The following UNC79 variants were observed in gnomAD, a reference collection of about 807,000 sequenced individuals.
The protein encoded by UNC79 is unc-79 subunit of NALCN channel complex.
UNC79 carries 37 observed loss-of-function variants against 283.1 expected under a neutral mutation model. The observed-to-expected ratio is 0.13, with a 90% CI of 0.10 to 0.17. UNC79 has a LOEUF of 0.17. Among genes scored for constraint, UNC79 ranks in the 10% least tolerant of loss-of-function variants. The pLI, the probability that UNC79 is intolerant of heterozygous loss-of-function variation, is 1.00. For missense variants in UNC79, 2,272 were observed against 3,211.1 expected (o/e 0.71, Z 7.07); for synonymous variants, 1,107 against 1,200.2 (o/e 0.92, Z 1.61).
At chr14:93,464,544 G>T (rs1411939584) in intron 1 of UNC79, 3 of 456,138 alleles carry the variant, frequency 6.6e-6, no homozygotes, top group Non-Finnish European at 1.3e-5. Context: ...TGAGGTTAAG[G>T]TTTCAACATA....
At chr14:93,487,070 T>A (rs1323288738) in intron 4 of UNC79, among the ~76,000 whole-genome samples, 1 of 152,212 alleles carries the variant, frequency 6.6e-6, no homozygotes, top group Non-Finnish European at 1.5e-5. Flanking sequence ...AAGACATTGA[T>A]GATGAAGTTA....
intron 20 of UNC79, among the ~76,000 whole-genome samples, chr14:93,583,437 T>A (rs1252467487): frequency 6.6e-6 from 1 of 152,254 alleles, no homozygotes; most frequent in Non-Finnish European, 1.5e-5. Context: ...ATTAGGGGAC[T>A]GTTTTCTGGG....
rs915136184 is a variant in UNC79, at chr14:93,497,391, A to G, written c.898+105A>G. On this transcript the variant is annotated intron_variant, in intron 7 of 48. Coordinates refer to ENST00000555664, the Ensembl canonical transcript of UNC79. ...TTTATCTTGCTGGATTATATTTTCT[A>G]TGCCTTTGGACATGGTCATAAATCC... 38 of 1,371,932 alleles carry G rather than the reference A, an allele frequency of 2.8e-5. No homozygotes were observed. The Middle Eastern group carries it at 7.9e-4, about 29-fold the overall frequency. 85.0% of individuals were successfully genotyped at this position (1,371,932 alleles called of 1,614,324 possible). A position where few individuals can be genotyped will look rare whatever the true frequency, so the allele number is the denominator to read the frequency against.
Position 93,582,304 on chromosome 14 carries a change from G to T in UNC79, c.2763G>T (p.Gly921=), listed in dbSNP as rs77374094. 1,204 of 1,614,156 alleles carry T rather than the reference G, an allele frequency of 7.5e-4. 8 individuals are homozygous for T. In the African/African-American group the frequency reaches 0.014, roughly 19 times the overall value. The change falls in exon 20 of 49, where the codon GGG becomes GGT. Residue 921 remains glycine, a synonymous_variant. Transcript: ENST00000555664. Reference sequence around the variant, plus strand: ...AGGAGAATCCTGCAAGCAAGCATGGGGAGAACCCAGGCAACTGCACCGAGC... The same window carrying T: ...AGGAGAATCCTGCAAGCAAGCATGGTGAGAACCCAGGCAACTGCACCGAGC...
At chr14:93,402,478 A>T (rs2055131399) in intron 1 of UNC79, among the ~76,000 whole-genome samples, 2 of 151,956 alleles carry the variant, frequency 1.3e-5, no homozygotes, top group South Asian at 2.1e-4. Context: ...ATATGAACTG[A>T]GAAGAGGTAG....
Position 93,494,549 on chromosome 14 carries a change from A to G in UNC79, c.713-1862A>G, listed in dbSNP as rs149156113. Among the ~76,000 whole-genome samples, 245 of 152,272 alleles carry G rather than the reference A, an allele frequency of 1.6e-3. 1 individual carries two copies. In the Middle Eastern group the frequency reaches 0.031, roughly 19 times the overall value. On this transcript the variant is annotated intron_variant, in intron 5 of 48. Coordinates refer to ENST00000555664, the Ensembl canonical transcript of UNC79. ...ATTATGGGTCTGGAGCTCAGAACAG[A>G]GCTTTGGACTAGAGATAATGAACTT...
At chr14:93,548,102 G>A (rs1413982219) in intron 14 of UNC79, among the ~76,000 whole-genome samples, 1 of 152,130 alleles carries the variant, frequency 6.6e-6, no homozygotes, top group Admixed American at 6.5e-5. Context: ...GTTTGTTTGG[G>A]CTGCAAAAAA....
At chr14:93,696,279 A>G (rs1359285158) in intron 47 of UNC79, among the ~76,000 whole-genome samples, 3 of 152,190 alleles carry the variant, frequency 2.0e-5, no homozygotes, top group Non-Finnish European at 2.9e-5. Flanking sequence ...AGAGTCATGA[A>G]GATGTCTTTG....
chr14:93,404,796 G>A (rs556945355), intron 1 of UNC79, among the ~76,000 whole-genome samples: 16 of 151,586 alleles, frequency 1.1e-4, no homozygotes, highest in African/African-American at 3.9e-4. Flanking sequence ...TTGGCTATTT[G>A]CGTCTTAAAG....
intron 1 of UNC79, chr14:93,348,130 G>A (rs778986970): frequency 6.6e-7 from 1 of 1,518,782 alleles, no homozygotes; most frequent in Non-Finnish European, 9.1e-7. Flanking sequence ...GATGGAAGAT[G>A]ATGTTGAACA....
chr14:93,554,202 G>T (rs982841720), intron 14 of UNC79, among the ~76,000 whole-genome samples: 1 of 152,082 alleles, frequency 6.6e-6, no homozygotes, highest in African/African-American at 2.4e-5. Context: ...ACAAAAATTA[G>T]CTGTGTGTGG....
intron 1 of UNC79, chr14:93,466,943 T>A (rs1020482852): frequency 2.0e-6 from 2 of 983,326 alleles, no homozygotes; most frequent in African/African-American, 3.5e-5. Flanking sequence ...CCCTCCTGAA[T>A]CTTGAGAAGA....
intron 16 of UNC79, among the ~76,000 whole-genome samples, chr14:93,574,708 A>G (rs1231477082): frequency 6.6e-6 from 1 of 152,146 alleles, no homozygotes; most frequent in East Asian, 1.9e-4. Context: ...CATTGAGATC[A>G]GAGTGGGGAT....
rs561891476 is a variant in UNC79 at position 93,483,640 on chromosome 14, A to C, written c.620-4023A>C. On this transcript the variant is annotated intron_variant, in intron 4 of 48. Transcript: ENST00000555664. ...TGCCATGTTGGAGTCCCATTAACTCATCATTTACATTAGGTATATCACCTA... is the reference window on the plus strand; with the variant it reads ...TGCCATGTTGGAGTCCCATTAACTCCTCATTTACATTAGGTATATCACCTA... Among the ~76,000 whole-genome samples the C allele has an allele frequency of 1.8e-3, 279 of 151,366 alleles. 2 individuals are homozygous for C. The highest frequency in any genetic ancestry group is 6.4e-3 in the African/African-American group (265 of 41,178).
Position 93,659,264 on chromosome 14 carries a change from A to G in UNC79, c.6525+3A>G, listed in dbSNP as rs75381237. The G allele has an allele frequency of 5.9e-4, 947 of 1,603,702 alleles. No individual in the cohort carries two copies. The highest frequency in any genetic ancestry group is 7.4e-4 in the Non-Finnish European group (875 of 1,175,892). On this transcript the variant is annotated splice_donor_region_variant and intron_variant, in intron 39 of 48. Coordinates refer to ENST00000555664, the Ensembl canonical transcript of UNC79. ...TCCCTTCTACCAATGCTACAAGGGTATGTATGTTTCAGAAAAACATAACCA... is the reference window on the plus strand; with the variant it reads ...TCCCTTCTACCAATGCTACAAGGGTGTGTATGTTTCAGAAAAACATAACCA...
chr14:93,417,593 C>A (rs1237648630), intron 1 of UNC79, among the ~76,000 whole-genome samples: 1 of 152,190 alleles, frequency 6.6e-6, no homozygotes, highest in Non-Finnish European at 1.5e-5. Flanking sequence ...GGGAAGTTCT[C>A]CTGGATAATA....
At chr14:93,632,029 C>T (rs1017150949) in intron 31 of UNC79, among the ~76,000 whole-genome samples, 1 of 152,148 alleles carries the variant, frequency 6.6e-6, no homozygotes, top group Non-Finnish European at 1.5e-5. Context: ...GTTGTTGGCC[C>T]CATATTATAG....
chr14:93,612,101 C>T (rs8003941), intron 26 of UNC79, among the ~76,000 whole-genome samples: 3,075 of 152,274 alleles, frequency 0.02, 105 homozygotes, highest in African/African-American at 0.071. Flanking sequence ...GTGAACTTTC[C>T]GCTCACCTTC....
At chr14:93,382,080 C>CGAATTCA (rs1300206759) in intron 1 of UNC79, among the ~76,000 whole-genome samples, 4 of 152,080 alleles carry the variant, frequency 2.6e-5, no homozygotes, top group African/African-American at 9.7e-5. Context: ...TATTAATTTC[C>CGAATTCA]GAATTCAGAA....
Sources: allele counts gnomAD v4.1 joint callset (sites outside exome capture counted in the v4.1 genomes callset), GRCh38; gene constraint gnomAD v4.1.1; transcripts MANE v1.5; gene names NCBI Gene and HGNC (gene_info 2026-07-23, HGNC 2026-07-21).